The following ZBTB20 variants were observed in gnomAD, a reference collection of about 807,000 sequenced individuals.
The protein encoded by ZBTB20 is zinc finger and BTB domain containing 20.
ZBTB20 carries 9 observed loss-of-function variants against 56.9 expected under a neutral mutation model. That is an observed-to-expected ratio of 0.16 (90% CI 0.10 to 0.28). The LOEUF (loss-of-function observed/expected upper bound fraction) is 0.28, where lower values mean the gene tolerates loss of function less well. Ranked by LOEUF, ZBTB20 falls within the 10% of genes least tolerant of loss-of-function variation. The pLI, the probability that ZBTB20 is intolerant of heterozygous loss-of-function variation, is 1.00. For synonymous variants in ZBTB20, 417 were observed against 420.7 expected (o/e 0.99, Z 0.11); for missense variants, 655 against 1,003.0 (o/e 0.65, Z 4.69).
intron 5 of ZBTB20, among the ~76,000 whole-genome samples, chr3:114,764,048 G>A (rs766573385): frequency 2.0e-5 from 3 of 152,042 alleles, no homozygotes; most frequent in Non-Finnish European, 2.9e-5. Flanking sequence ...CAAAACCCCA[G>A]TAATGAGAAA....
chr3:114,346,986 CCAAA>C (rs1311558847), intron 11 of ZBTB20, among the ~76,000 whole-genome samples: 3 of 151,506 alleles, frequency 2.0e-5, no homozygotes, highest in Non-Finnish European at 4.4e-5. Flanking sequence ...ATGCCTGGCC[CCAAA>C]CACTTTCTTT....
intron 6 of ZBTB20, among the ~76,000 whole-genome samples, chr3:114,596,238 C>A (rs963363540): frequency 6.6e-6 from 1 of 152,016 alleles, no homozygotes; most frequent in African/African-American, 2.4e-5. Flanking sequence ...AAAATACAAA[C>A]AAAATCAAAC....
At chr3:114,858,027 A>G (rs1341036906) in intron 4 of ZBTB20, among the ~76,000 whole-genome samples, 1 of 152,222 alleles carries the variant, frequency 6.6e-6, no homozygotes, top group Non-Finnish European at 1.5e-5. Flanking sequence ...CAGGCATACA[A>G]TGTTGTGCTA....
intron 4 of ZBTB20, chr3:114,873,243 A>G (rs991812905): frequency 6.6e-6 from 1 of 152,046 alleles, no homozygotes; most frequent in African/African-American, 2.4e-5. Flanking sequence ...TATCTAGGAG[A>G]GTTTATGGTA....
intron 5 of ZBTB20, among the ~76,000 whole-genome samples, chr3:114,709,874 TAA>T (rs1421212050): frequency 6.6e-6 from 1 of 152,224 alleles, no homozygotes; most frequent in Non-Finnish European, 1.5e-5. Flanking sequence ...TGCTCCGTCA[TAA>T]AGAGAAAGCT....
In ZBTB20 at chr3:114,584,028, C is replaced by T. The variant is rs146719194; in HGVS notation, c.-294-83637G>A. On this transcript the variant is annotated intron_variant, in intron 6 of 11. Coordinates refer to ENST00000675478, the MANE Select transcript of ZBTB20 (RefSeq NM_001348800.3). ...AAGTGAGTGTGATATAAAGTCATAG[C>T]TTGATCATCAAACTCCTTTCTAGCC... Among the ~76,000 whole-genome samples the T allele has an allele frequency of 3.5e-4, 53 of 152,254 alleles. 1 individual carries two copies. In the East Asian group the frequency reaches 9.6e-3, roughly 28 times the overall value.
Position 114,978,870 on chromosome 3 carries a change from G to T in ZBTB20, c.-506-4454C>A, listed in dbSNP as rs1345869301. ...GCACTAAAGAAGGCACCTAGTTTAT[G>T]TTTCAGGAAAGAAAAATTTAATTTA... On this transcript the variant is annotated intron_variant, in intron 2 of 11. Transcript: ENST00000675478. 3.3e-5 allele frequency among the ~76,000 whole-genome samples: 5 copies of T among 151,820 alleles called. No individual in the cohort carries two copies. The East Asian group carries it at 7.7e-4, about 23-fold the overall frequency.
chr3:114,662,703 C>A (rs1169050293), intron 6 of ZBTB20, among the ~76,000 whole-genome samples: 4 of 147,182 alleles, frequency 2.7e-5, no homozygotes, highest in African/African-American at 1.0e-4. Flanking sequence ...TAAATGTCTT[C>A]TTTTGAGAAG....
At chr3:114,629,579 C>T (rs1044010516) in intron 6 of ZBTB20, among the ~76,000 whole-genome samples, 1 of 152,082 alleles carries the variant, frequency 6.6e-6, no homozygotes, top group African/African-American at 2.4e-5. Context: ...AGTGCAGCAG[C>T]AAATTCTCAA....
Position 114,604,010 on chromosome 3 carries a change from G to T in ZBTB20, c.-295+89518C>A, listed in dbSNP as rs534680418. On this transcript the variant is annotated intron_variant, in intron 6 of 11. Coordinates refer to ENST00000675478, the MANE Select transcript of ZBTB20 (RefSeq NM_001348800.3). Reference sequence around the variant, plus strand: ...GGCAAAACTTTTCAAAATTCAAGATGCATATAACCCTTTGATCAATAATTT... The same window carrying T: ...GGCAAAACTTTTCAAAATTCAAGATTCATATAACCCTTTGATCAATAATTT... Among the ~76,000 whole-genome samples, 49 of 152,036 alleles carry T rather than the reference G, an allele frequency of 3.2e-4. No individual in the cohort carries two copies. In the South Asian group the frequency reaches 0.01, roughly 32 times the overall value.
At chr3:115,074,182 C>T (rs1391575232) in intron 1 of ZBTB20, among the ~76,000 whole-genome samples, 2 of 152,194 alleles carry the variant, frequency 1.3e-5, no homozygotes, top group African/African-American at 2.4e-5. Flanking sequence ...ATTTCCCTCA[C>T]CTCCTCAAAA....
At chr3:114,793,907 G>A (rs1003717640) in intron 5 of ZBTB20, among the ~76,000 whole-genome samples, 1 of 151,854 alleles carries the variant, frequency 6.6e-6, no homozygotes, top group African/African-American at 2.4e-5. Flanking sequence ...TTATGGAGAG[G>A]GCATCTGCTA....
chr3:114,385,592 G>A (rs1389497848), intron 8 of ZBTB20, among the ~76,000 whole-genome samples: 1 of 152,214 alleles, frequency 6.6e-6, no homozygotes, highest in South Asian at 2.1e-4. Context: ...TTCCGGGCAA[G>A]GGGTGGTAGC....
At chr3:114,524,534 G>C (rs2046993027) in intron 6 of ZBTB20, among the ~76,000 whole-genome samples, 1 of 152,078 alleles carries the variant, frequency 6.6e-6, no homozygotes, top group Admixed American at 6.5e-5. Context: ...TGCATCAAGG[G>C]GGAGTTATGG....
chr3:114,380,807 C>CA lies in ZBTB20; in HGVS notation c.-21dup. 6.6e-7 allele frequency: 1 copy of CA among 1,508,244 alleles called. No homozygotes were observed. The highest frequency in any genetic ancestry group is 8.8e-7 in the Non-Finnish European group (1 of 1,136,696). 93.4% of individuals were successfully genotyped at this position (1,508,244 alleles called of 1,614,324 possible). On this transcript the variant is annotated 5_prime_UTR_variant, in exon 9 of 12. Transcript: ENST00000675478. Reference sequence around the variant, plus strand: ...TAGCATTTGTCAGGAAGCTTAGAGACAGGACTCGTGGAGTAATGGGAGGAG... The same window carrying CA: ...TAGCATTTGTCAGGAAGCTTAGAGACAAGGACTCGTGGAGTAATGGGAGGAG...
chr3:114,678,116 T>C (rs2061740996), intron 6 of ZBTB20, among the ~76,000 whole-genome samples: 1 of 152,192 alleles, frequency 6.6e-6, no homozygotes, highest in Non-Finnish European at 1.5e-5. Context: ...AGCTTAGAAA[T>C]TTTAAAAGAA....
intron 1 of ZBTB20, chr3:115,100,646 T>G (rs1416387806): frequency 6.6e-6 from 1 of 152,208 alleles, no homozygotes; most frequent in East Asian, 1.9e-4. Context: ...AGCAGCTGGC[T>G]CCACCTTCTT....
intron 5 of ZBTB20, chr3:114,759,079 C>T (rs530326707): frequency 1.3e-5 from 2 of 152,146 alleles, no homozygotes; most frequent in Non-Finnish European, 1.5e-5. Flanking sequence ...TTTCTTCTAA[C>T]TTGCATATTC....
intron 6 of ZBTB20, among the ~76,000 whole-genome samples, chr3:114,548,607 C>T (rs867146863): frequency 5.9e-5 from 9 of 152,026 alleles, no homozygotes; most frequent in Admixed American, 3.9e-4. Flanking sequence ...CAACCTCTGC[C>T]TCTTGGGTTC....
Sources: gnomAD v4.1 joint callset for allele counts (sites outside exome capture counted in the v4.1 genomes callset) on GRCh38, gnomAD v4.1.1 for gene constraint, MANE v1.5 for transcripts, NCBI Gene and HGNC (gene_info 2026-07-23, HGNC 2026-07-21) for gene names.